The following ANKMY1 variants were observed in gnomAD, a reference collection of about 807,000 sequenced individuals.
ANKMY1 encodes the protein ankyrin repeat and MYND domain containing 1.
ANKMY1 carries 98 observed loss-of-function variants against 102.0 expected under a neutral mutation model. The ratio of observed to expected loss-of-function variants is 0.96; its 90% CI spans 0.82 to 1.14. ANKMY1 has a LOEUF of 1.14. Ranked by LOEUF, ANKMY1 falls within the 50% of genes most tolerant of loss-of-function variation. The pLI is 0.00. For synonymous variants in ANKMY1, 582 were observed against 559.9 expected (o/e 1.04, Z -0.56); for missense variants, 1,330 against 1,347.6 (o/e 0.99, Z 0.20).
intron 4 of ANKMY1, among the ~76,000 whole-genome samples, chr2:240,549,842 C>T (rs1042726505): frequency 6.6e-6 from 1 of 151,950 alleles, no homozygotes; most frequent in East Asian, 1.9e-4. Flanking sequence ...GTTAGAATGG[C>T]AATCATTAAA....
chr2:240,555,899 G>A (rs887862343), intron 2 of ANKMY1, among the ~76,000 whole-genome samples: 7 of 152,088 alleles, frequency 4.6e-5, no homozygotes, highest in African/African-American at 1.7e-4. Flanking sequence ...CCCCCCAGAC[G>A]GACAGAGCAT....
chr2:240,481,210 T>A (rs1377199432), intron 16 of ANKMY1, 113 bp from the exon 17 acceptor site: 2 of 1,316,648 alleles, frequency 1.5e-6, no homozygotes, highest in Non-Finnish European at 2.0e-6. Context: ...TTCCCCACCG[T>A]CCCGCACTGT....
At chr2:240,538,983 T>C (rs1243949962) in intron 4 of ANKMY1, among the ~76,000 whole-genome samples, 1 of 152,166 alleles carries the variant, frequency 6.6e-6, no homozygotes, top group African/African-American at 2.4e-5. Flanking sequence ...TCAGGGATTG[T>C]AAACGCACCA....
chr2:240,557,595 G>C (rs1379583573), intron 1 of ANKMY1, among the ~76,000 whole-genome samples: 3 of 152,230 alleles, frequency 2.0e-5, no homozygotes, highest in Non-Finnish European at 4.4e-5. Flanking sequence ...CCCTTCGTGG[G>C]CGGGAATCAC....
chr2:240,507,795 G>T, intron 12 of ANKMY1, 104 bp from the exon 13 acceptor site: 1 of 1,377,284 alleles, frequency 7.3e-7, no homozygotes, highest in Non-Finnish European at 9.6e-7. Context: ...CCTGAAAGCA[G>T]GGGCTTCACG....
intron 10 of ANKMY1, among the ~76,000 whole-genome samples, chr2:240,512,472 C>A (rs1212418044): frequency 1.3e-5 from 2 of 152,230 alleles, no homozygotes; most frequent in Non-Finnish European, 2.9e-5. Context: ...TGGAACTGGC[C>A]TCTGTCTGCA....
chr2:240,556,836 A>T (rs975371489), intron 2 of ANKMY1, among the ~76,000 whole-genome samples: 1 of 152,138 alleles, frequency 6.6e-6, no homozygotes, highest in Non-Finnish European at 1.5e-5. Flanking sequence ...ACCTCGTGAG[A>T]TGCTGCAGTG....
chr2:240,542,585 A>G (rs1425441293), intron 4 of ANKMY1, among the ~76,000 whole-genome samples: 4 of 151,976 alleles, frequency 2.6e-5, no homozygotes, highest in Non-Finnish European at 5.9e-5. Context: ...TTACCTATTG[A>G]GGCTAATAGA....
At chr2:240,555,250 G>A in intron 2 of ANKMY1, 195 bp from the exon 3 acceptor site, 1 of 617,720 alleles carries the variant, frequency 1.6e-6, no homozygotes, top group Non-Finnish European at 2.8e-6. Context: ...AGGCCACACA[G>A]GAAGTGGAAT....
At position 240,512,843 on chromosome 2, in the gene ANKMY1, C is replaced by T. The variant is rs770466778; in HGVS notation, c.2104G>A (p.Ala702Thr). 86 of 1,613,938 alleles carry T rather than the reference C, an allele frequency of 5.3e-5. No individual in the cohort carries two copies. The highest frequency in any genetic ancestry group is 7.1e-5 in the Non-Finnish European group (84 of 1,180,004). The change falls in exon 10 of 18, where the codon GCC becomes ACC. Residue 702 changes from alanine (A) to threonine (T), a missense_variant. Ala to Thr is a moderately conservative substitution (Grantham distance 58). Transcript: ENST00000401804. ...LLLHAITDVD[A>T]KASDEDDTYK... ...GTGTCGTCCTCGTCGGATGCCTTGG[C>T]GTCCACATCGGTGATGGCATGCAAC...
intron 15 of ANKMY1, among the ~76,000 whole-genome samples, chr2:240,494,722 C>T (rs1049059954): frequency 1.3e-5 from 2 of 152,060 alleles, no homozygotes; most frequent in Non-Finnish European, 2.9e-5. Context: ...CTCCTGGAAG[C>T]TTCCTATATT....
At position 240,524,037 on chromosome 2, in the gene ANKMY1, G is replaced by T; in HGVS notation, c.1680C>A (p.Asn560Lys). 1 of 1,613,972 alleles carries T rather than the reference G, an allele frequency of 6.2e-7. No homozygotes were observed. Residue 560 changes from asparagine to lysine, a missense_variant, in exon 8 of 18, where the codon AAC becomes AAA. Asn to Lys is a moderately conservative substitution (Grantham distance 94). Coordinates refer to ENST00000401804, the MANE Select transcript of ANKMY1 (RefSeq NM_001282771.3). The part of the protein sequence containing the change: ...LCSAETKFES[N>K]VCVCDFSIEL... ...CGATGGAGAAGTCGCACACACACAC[G>T]TTGGACTCAAATTTCGTCTCAGCAC...
chr2:240,486,762 C>T (rs2076105462), intron 15 of ANKMY1, among the ~76,000 whole-genome samples: 1 of 152,214 alleles, frequency 6.6e-6, no homozygotes, highest in African/African-American at 2.4e-5. Context: ...AATCCTTCTG[C>T]CTCAGTCTCC....
At chr2:240,557,739 C>T (rs1316099738) in intron 1 of ANKMY1, 142 bp downstream of exon 1, 3 of 459,834 alleles carry the variant, frequency 6.5e-6, no homozygotes, top group Non-Finnish European at 8.6e-6. Context: ...GACGCCGCGC[C>T]CACCTAACCC....
chr2:240,505,010 A>C (rs2152093336), intron 13 of ANKMY1, among the ~76,000 whole-genome samples: 1 of 151,562 alleles, frequency 6.6e-6, no homozygotes, highest in Middle Eastern at 3.4e-3. Context: ...CATACACACA[A>C]TAAAATACCA....
chr2:240,499,267 G>A lies in ANKMY1; in HGVS notation c.2806+691C>T, dbSNP rs868273400. ...AGGATGGCTGTGGGTATCAGTGTGT[G>A]TGGATGTGTAAGTGGGTCTGTGTGT... On this transcript the variant is annotated intron_variant, in intron 15 of 17. Coordinates refer to ENST00000401804, the MANE Select transcript of ANKMY1 (RefSeq NM_001282771.3). The surrounding 1 kb of genome is among the most constrained non-coding windows in gnomAD (Gnocchi z 4.2). Among the ~76,000 whole-genome samples, 2 of 151,702 alleles carry A rather than the reference G, an allele frequency of 1.3e-5. No homozygotes were observed. Among genetic ancestry groups the A allele is most frequent in the South Asian group, 4.2e-4 (2 of 4,794 alleles).
intron 4 of ANKMY1, among the ~76,000 whole-genome samples, chr2:240,549,607 C>T (rs1338940295): frequency 1.3e-5 from 2 of 152,128 alleles, no homozygotes; most frequent in African/African-American, 2.4e-5. Context: ...ATTTTCACAA[C>T]CTACTCATCT....
Position 240,489,374 on chromosome 2 carries a change from T to C in ANKMY1, c.2807-7113A>G, listed in dbSNP as rs112656537. 7.5e-3 allele frequency among the ~76,000 whole-genome samples: 1,136 copies of C among 152,204 alleles called. 14 individuals are homozygous for C. The highest frequency in any genetic ancestry group is 0.026 in the African/African-American group (1,065 of 41,540). The stretch of plus-strand genomic sequence containing the variant: ...TGGAAGCTGAGGCAGGGAGAATTGC[T>C]TGAACCTGGGAGGCAGAGGTTGTAG... On this transcript the variant is annotated intron_variant, in intron 15 of 17. Coordinates refer to ENST00000401804, the MANE Select transcript of ANKMY1 (RefSeq NM_001282771.3).
At chr2:240,471,611 C>A in the ANKMY1 span, among the ~76,000 whole-genome samples, 3 of 152,022 alleles carry the variant, frequency 2.0e-5, no homozygotes, top group Non-Finnish European at 2.9e-5. Flanking sequence ...GGAAAAAGTA[C>A]CAAGTGGAAG....
Sources: allele counts gnomAD v4.1 joint callset (sites outside exome capture counted in the v4.1 genomes callset), GRCh38; gene constraint gnomAD v4.1.1; non-coding constraint Gnocchi (gnomAD v3.1); transcripts MANE v1.5; gene names NCBI Gene and HGNC (gene_info 2026-07-23, HGNC 2026-07-21).